PCDH15: variants seen among roughly 807,000 people sequenced by gnomAD.
PCDH15 encodes protocadherin-15.
PCDH15 carries 129 observed loss-of-function variants against 178.5 expected under a neutral mutation model. The ratio of observed to expected loss-of-function variants is 0.72; its 90% CI spans 0.63 to 0.84. The LOEUF (loss-of-function observed/expected upper bound fraction) is 0.84. Ranked by LOEUF, PCDH15 falls within the 40% of genes least tolerant of loss-of-function variation. The pLI, the probability that PCDH15 is intolerant of heterozygous loss-of-function variation, is 0.00. For missense variants in PCDH15, 2,230 were observed against 2,099.9 expected (o/e 1.06, Z -1.21); for synonymous variants, 800 against 732.0 (o/e 1.09, Z -1.50).
At chr10:54,782,937 C>T (rs1269341543) in intron 1 of PCDH15, among the ~76,000 whole-genome samples, 1 of 152,052 alleles carries the variant, frequency 6.6e-6, no homozygotes, top group Non-Finnish European at 1.5e-5. Flanking sequence ...CAAGCCAAAG[C>T]ACTCTACCAA....
chr10:54,216,656 C>T (rs537509023), intron 9 of PCDH15, among the ~76,000 whole-genome samples: 1 of 152,238 alleles, frequency 6.6e-6, no homozygotes, highest in East Asian at 1.9e-4. Flanking sequence ...ACTCTGTTGG[C>T]GAGCCTGCAG....
intron 2 of PCDH15, among the ~76,000 whole-genome samples, chr10:55,590,236 T>C (rs1842816231): frequency 6.7e-6 from 1 of 148,678 alleles, no homozygotes; most frequent in East Asian, 2.0e-4. Context: ...CACCGCATGT[T>C]CTCACTCATA....
At chr10:54,528,018 T>C in intron 2 of PCDH15, 141 bp from the exon 3 acceptor site, 1 of 677,158 alleles carries the variant, frequency 1.5e-6, no homozygotes, top group Non-Finnish European at 2.6e-6. Context: ...ATTAATATTA[T>C]TTAAAAACAT....
intron 2 of PCDH15, among the ~76,000 whole-genome samples, chr10:55,123,744 G>A (rs1837830051): frequency 6.6e-6 from 1 of 152,130 alleles, no homozygotes; most frequent in African/African-American, 2.4e-5. Flanking sequence ...ACTATATGAA[G>A]TGTGTCTCAG....
At chr10:55,344,549 C>G (rs1844691233) in intron 2 of PCDH15, among the ~76,000 whole-genome samples, 1 of 151,950 alleles carries the variant, frequency 6.6e-6, no homozygotes, top group South Asian at 2.1e-4. Flanking sequence ...AGAAGACAGT[C>G]AAAGATTATC....
At chr10:54,089,662 G>A (rs1295967625) in intron 16 of PCDH15, among the ~76,000 whole-genome samples, 4 of 152,116 alleles carry the variant, frequency 2.6e-5, no homozygotes, top group Non-Finnish European at 5.9e-5. Context: ...ACAGTTTGGT[G>A]CTAAGTAACC....
chr10:53,883,680 C>A (rs1305500698), intron 26 of PCDH15, among the ~76,000 whole-genome samples: 1 of 152,148 alleles, frequency 6.6e-6, no homozygotes, highest in Admixed American at 6.5e-5. Flanking sequence ...ATTACCAAAG[C>A]TTGAAAGATA....
intron 3 of PCDH15, among the ~76,000 whole-genome samples, chr10:54,399,789 A>G (rs1217220599): frequency 3.3e-5 from 5 of 152,100 alleles, no homozygotes; most frequent in African/African-American, 1.2e-4. Context: ...AGCAAAAGTT[A>G]GTGACCAGAA....
chr10:55,389,508 G>T (rs376630742), intron 2 of PCDH15, among the ~76,000 whole-genome samples: 27 of 152,102 alleles, frequency 1.8e-4, no homozygotes, highest in African/African-American at 6.3e-4. Context: ...AAATGAAAAT[G>T]AAATAAGGCA....
chr10:53,996,376 T>C (rs936310612), intron 20 of PCDH15, among the ~76,000 whole-genome samples: 1 of 152,166 alleles, frequency 6.6e-6, no homozygotes, highest in Non-Finnish European at 1.5e-5. Context: ...GAGCAACTTA[T>C]ATGTATCTTA....
intron 21 of PCDH15, among the ~76,000 whole-genome samples, chr10:53,991,111 G>C (rs75385738): frequency 1.5e-4 from 23 of 151,974 alleles, no homozygotes; most frequent in Admixed American, 1.5e-3. Flanking sequence ...GTGGGCTCCC[G>C]CGCAGCCCGA....
At chr10:55,312,158 AT>A (rs1843600538) in intron 1 of PCDH15, among the ~76,000 whole-genome samples, 1 of 152,146 alleles carries the variant, frequency 6.6e-6, no homozygotes, top group Non-Finnish European at 1.5e-5. Context: ...TAAATAAGCC[AT>A]TAGTATAAAA....
intron 2 of PCDH15, among the ~76,000 whole-genome samples, chr10:55,025,504 T>C (rs141189238): frequency 6.6e-6 from 1 of 152,292 alleles, no homozygotes; most frequent in Admixed American, 6.5e-5. Context: ...AAATTGACTT[T>C]AATCATTTTG....
intron 2 of PCDH15, among the ~76,000 whole-genome samples, chr10:55,576,551 T>C (rs1459043843): frequency 1.3e-5 from 2 of 152,182 alleles, no homozygotes; most frequent in Non-Finnish European, 1.5e-5. Context: ...TACTCCCAAA[T>C]GGGGTAATGG....
chr10:54,075,281 G>A (rs1452482788), intron 17 of PCDH15, among the ~76,000 whole-genome samples: 1 of 152,006 alleles, frequency 6.6e-6, no homozygotes, highest in Non-Finnish European at 1.5e-5. Flanking sequence ...GGAGGCTGAG[G>A]CAGGAGAATG....
intron 3 of PCDH15, among the ~76,000 whole-genome samples, chr10:54,870,834 T>G (rs1432139730): frequency 2.0e-5 from 3 of 151,640 alleles, no homozygotes; most frequent in Admixed American, 6.6e-5. Context: ...CGGAAAAATA[T>G]CTAACATCCC....
chr10:54,880,089 C>A (rs1414783169), intron 3 of PCDH15, among the ~76,000 whole-genome samples: 1 of 152,078 alleles, frequency 6.6e-6, no homozygotes, highest in Non-Finnish European at 1.5e-5. Context: ...TTTTTACACC[C>A]AGATCCCTTA....
chr10:55,269,034 C>T (rs946530555), intron 1 of PCDH15, among the ~76,000 whole-genome samples: 7 of 151,966 alleles, frequency 4.6e-5, no homozygotes, highest in Non-Finnish European at 8.8e-5. Flanking sequence ...AAGCAAAAAC[C>T]GTATGATCAC....
intron 2 of PCDH15, among the ~76,000 whole-genome samples, chr10:55,159,557 A>G (rs1043613135): frequency 6.7e-6 from 1 of 149,352 alleles, no homozygotes; most frequent in South Asian, 2.1e-4. Flanking sequence ...AATAAATATA[A>G]CCTGGTAAAT....
Sources: allele counts gnomAD v4.1 joint callset (sites outside exome capture counted in the v4.1 genomes callset), GRCh38; gene constraint gnomAD v4.1.1; transcripts MANE v1.5; gene names NCBI Gene and HGNC (gene_info 2026-07-23, HGNC 2026-07-21).